The following CCNJL variants were observed in gnomAD, a reference collection of about 807,000 sequenced individuals.
CCNJL encodes the protein cyclin-J-like protein.
In CCNJL, 33 loss-of-function variants were observed where a neutral mutation model predicts 33.4. The ratio of observed to expected loss-of-function variants is 0.99; its 90% CI spans 0.75 to 1.32. The LOEUF is 1.32. CCNJL is among the 40% of genes most tolerant of loss of function. The pLI, the probability that CCNJL is intolerant of heterozygous loss-of-function variation, is 0.00. For missense variants in CCNJL, 512 were observed against 499.7 expected (o/e 1.02, Z -0.23); for synonymous variants, 227 against 220.9 (o/e 1.03, Z -0.24).
chr5:160,294,316 G>A (rs114559796), intron 2 of CCNJL, among the ~76,000 whole-genome samples: 235 of 152,298 alleles, frequency 1.5e-3, no homozygotes, highest in Middle Eastern at 6.8e-3. Flanking sequence ...AGGGTGGCCC[G>A]TGTCACATAA....
intron 5 of CCNJL, chr5:160,254,257 C>G: frequency 1.8e-6 from 1 of 562,766 alleles, no homozygotes; most frequent in South Asian, 2.4e-5. Context: ...AGCTCCATCC[C>G]CAGCGGGGTC....
intron 1 of CCNJL, 108 bp from the exon 2 acceptor site, chr5:160,312,080 C>T (rs1763282997): frequency 1.4e-6 from 1 of 693,058 alleles, no homozygotes. Flanking sequence ...GGCGCCCCCT[C>T]CTGCGCCGCT....
chr5:160,265,339 T>A (rs1761529517), intron 3 of CCNJL, among the ~76,000 whole-genome samples: 1 of 152,124 alleles, frequency 6.6e-6, no homozygotes, highest in African/African-American at 2.4e-5. Context: ...TTTTCTTCCC[T>A]AAAGAAATGC....
At chr5:160,284,708 T>C (rs1432189522) in intron 2 of CCNJL, among the ~76,000 whole-genome samples, 2 of 152,254 alleles carry the variant, frequency 1.3e-5, no homozygotes, top group Admixed American at 6.5e-5. Context: ...TTCGCAGTCC[T>C]AGAGCTTTGC....
intron 2 of CCNJL, among the ~76,000 whole-genome samples, chr5:160,306,169 G>A (rs1763089821): frequency 6.6e-6 from 1 of 151,456 alleles, no homozygotes; most frequent in Admixed American, 6.6e-5. Context: ...TACTCGGGAG[G>A]CTGAGGCAGG....
intron 1 of CCNJL, among the ~76,000 whole-genome samples, chr5:160,320,875 T>TTCTC (rs1763441719): frequency 1.5e-4 from 21 of 144,472 alleles, no homozygotes; most frequent in African/African-American, 5.4e-4. Flanking sequence ...CTTTCTCTCT[T>TTCTC]TCTTTCTTTT....
chr5:160,285,911 C>A lies in CCNJL; in HGVS notation c.67-5173G>T, dbSNP rs546596380. On this transcript the variant is annotated intron_variant, in intron 2 of 5. Transcript: ENST00000257536. ...AAGGCCAGACAGCTGGTAGCAGCAG[C>A]CAGTGCGGGGCGGCAGCTCCTCTCA... Among the ~76,000 whole-genome samples the A allele has an allele frequency of 5.9e-5, 9 of 152,330 alleles. No individual in the cohort carries two copies. The East Asian group carries it at 9.7e-4, about 16-fold the overall frequency.
intron 1 of CCNJL, among the ~76,000 whole-genome samples, chr5:160,321,190 C>T (rs961203642): frequency 6.6e-6 from 1 of 151,830 alleles, no homozygotes; most frequent in South Asian, 2.1e-4. Context: ...GATAGGAGCC[C>T]TCCAGCCTGA....
chr5:160,303,086 T>C (rs563576610), intron 2 of CCNJL, among the ~76,000 whole-genome samples: 6 of 152,286 alleles, frequency 3.9e-5, no homozygotes, highest in African/African-American at 9.6e-5. Context: ...AAACAAACAA[T>C]TGATTGTTTC....
chr5:160,281,467 GACTTTT>G (rs1762210966), intron 2 of CCNJL: 1 of 152,844 alleles, frequency 6.5e-6, no homozygotes, highest in Non-Finnish European at 1.5e-5. Flanking sequence ...GTGACTAGAT[GACTTTT>G]ACTTCTACTT....
chr5:160,302,825 A>T (rs7730972), intron 2 of CCNJL, among the ~76,000 whole-genome samples: 73,630 of 151,164 alleles, frequency 0.49, 19,323 homozygotes, highest in African/African-American at 0.69. Context: ...AAAAAAAAAA[A>T]AATAATAATA....
chr5:160,283,026 TAC>T (rs1762291378), intron 2 of CCNJL, among the ~76,000 whole-genome samples: 5 of 106,434 alleles, frequency 4.7e-5, no homozygotes, highest in African/African-American at 7.4e-5. Context: ...TATATATATA[TAC>T]CTAAGAGAAA....
intron 1 of CCNJL, among the ~76,000 whole-genome samples, chr5:160,329,403 T>C (rs1171320511): frequency 6.7e-6 from 1 of 148,510 alleles, no homozygotes; most frequent in Non-Finnish European, 1.5e-5. Context: ...CAAGCTGGAG[T>C]GCAGCGGCAT....
Position 160,335,249 on chromosome 5 carries a change from C to T in CCNJL, n.206+4196G>A, listed in dbSNP as rs774540276. On this transcript the variant is annotated intron_variant and non_coding_transcript_variant, in intron 1 of 7. Transcript: ENST00000377503. ...CTGTACTCCAGCCTGGGCAAGAGAG[C>T]GAGACTCCATCTAAAAGAAAAATTA... Among the ~76,000 whole-genome samples, 8 of 152,130 alleles carry T rather than the reference C, an allele frequency of 5.3e-5. No individual in the cohort carries two copies. The South Asian group carries it at 1.0e-3, about 20-fold the overall frequency.
At chr5:160,303,740 G>C (rs1160856617) in intron 2 of CCNJL, among the ~76,000 whole-genome samples, 1 of 147,894 alleles carries the variant, frequency 6.8e-6, no homozygotes, top group Non-Finnish European at 1.5e-5. Flanking sequence ...GTGTGTGTGT[G>C]TGTGTAATAA....
chr5:160,305,841 C>T (rs367823860), intron 2 of CCNJL, among the ~76,000 whole-genome samples: 113 of 152,318 alleles, frequency 7.4e-4, no homozygotes, highest in African/African-American at 2.6e-3. Context: ...TGCTGGCACA[C>T]TGCCTGAAAT....
At chr5:160,325,457 G>T (rs1763522884) in intron 1 of CCNJL, among the ~76,000 whole-genome samples, 1 of 152,098 alleles carries the variant, frequency 6.6e-6, no homozygotes, top group African/African-American at 2.4e-5. Flanking sequence ...CTTTTGCTGG[G>T]AATGTTACCA....
intron 1 of CCNJL, among the ~76,000 whole-genome samples, chr5:160,323,105 G>T (rs957750422): frequency 1.3e-5 from 2 of 151,692 alleles, no homozygotes; most frequent in African/African-American, 4.8e-5. Context: ...TGTGGTGGCA[G>T]GTGCCTGTAG....
chr5:160,283,162 G>A (rs1396768304), intron 2 of CCNJL, among the ~76,000 whole-genome samples: 1 of 151,218 alleles, frequency 6.6e-6, no homozygotes, highest in Admixed American at 6.6e-5. Context: ...AAAATGTAAT[G>A]TATCCATACA....
Sources: gnomAD v4.1 joint callset for allele counts (sites outside exome capture counted in the v4.1 genomes callset) on GRCh38, gnomAD v4.1.1 for gene constraint, MANE v1.5 for transcripts, NCBI Gene and HGNC (gene_info 2026-07-23, HGNC 2026-07-21) for gene names.